PCNX1: variants seen among roughly 807,000 people sequenced by gnomAD.
PCNX1 encodes the protein pecanex-like protein 1.
Under a neutral mutation model 242.2 loss-of-function variants are expected in PCNX1, and 78 were observed. The observed-to-expected ratio is 0.32, with a 90% CI of 0.27 to 0.39. The LOEUF (loss-of-function observed/expected upper bound fraction) is 0.39. PCNX1 is among the 10% of genes least tolerant of loss of function. The pLI, the probability that PCNX1 is intolerant of heterozygous loss-of-function variation, is 1.00. For synonymous variants in PCNX1, 1,024 were observed against 1,032.9 expected (o/e 0.99, Z 0.17); for missense variants, 2,581 against 2,856.5 (o/e 0.90, Z 2.20).
intron 6 of PCNX1, among the ~76,000 whole-genome samples, chr14:70,985,442 G>C (rs1405799845): frequency 2.0e-5 from 3 of 152,048 alleles, no homozygotes; most frequent in Non-Finnish European, 4.4e-5. Context: ...TCGAACTCCT[G>C]ACTTCAGGTG....
At chr14:70,964,901 A>AT (rs1391172259) in intron 3 of PCNX1, among the ~76,000 whole-genome samples, 1 of 152,226 alleles carries the variant, frequency 6.6e-6, no homozygotes, top group African/African-American at 2.4e-5. Context: ...AATGGTTGAC[A>AT]TAATTATTCT....
At position 71,028,759 on chromosome 14, in the gene PCNX1, T is replaced by G. The variant is rs2060303706; in HGVS notation, c.3526T>G (p.Leu1176Val). Residue 1176 changes from leucine (L) to valine (V), a missense_variant, in exon 16 of 36, where the codon TTA (leucine) becomes GTA (valine). Leu to Val is a conservative substitution (Grantham distance 32). Transcript: ENST00000304743. The stretch of plus-strand genomic sequence containing the variant: ...TATCTGTAGCATTGTTGCAGTAGCC[T>G]TATTGTATGGATTATGTTATGGGGC... ...SFICSIVAVALLYGLCYGALK... is the reference protein window; with the variant it reads ...SFICSIVAVAVLYGLCYGALK... 2 of 1,606,116 alleles carry G rather than the reference T, an allele frequency of 1.2e-6. No homozygotes were observed. The highest frequency in any genetic ancestry group is 1.7e-6 in the Non-Finnish European group (2 of 1,175,508).
At chr14:70,947,567 T>C (rs1466694938) in intron 2 of PCNX1, among the ~76,000 whole-genome samples, 2 of 152,236 alleles carry the variant, frequency 1.3e-5, no homozygotes, top group Non-Finnish European at 2.9e-5. Context: ...AGTACTCTTA[T>C]AGTTTCCTAT....
intron 1 of PCNX1, among the ~76,000 whole-genome samples, chr14:70,915,970 C>T (rs35168506): frequency 0.097 from 14,809 of 152,054 alleles, 827 homozygotes; most frequent in Admixed American, 0.17. Context: ...AGGGATAAAT[C>T]ATGGAGGAAG....
At chr14:70,960,057 G>A (rs1224110065) in intron 2 of PCNX1, among the ~76,000 whole-genome samples, 5 of 95,512 alleles carry the variant, frequency 5.2e-5, no homozygotes, top group African/African-American at 7.7e-5. Context: ...TATGTCCTTC[G>A]CCCACTTTTT....
At chr14:71,008,029 A>G (rs1031746518) in intron 8 of PCNX1, among the ~76,000 whole-genome samples, 36 of 152,200 alleles carry the variant, frequency 2.4e-4, no homozygotes, top group Middle Eastern at 3.2e-3. Flanking sequence ...TGACCTGAGC[A>G]TTTCACAGAA....
rs780856045 is a variant in PCNX1, at chr14:70,972,116, TAAG to T, written c.604+3011_604+3013del. ...GTCTGACTGTGTGTGTAGAAGATAC[TAAG>T]AAGATAGGTTATGGATTTGGATATA... On this transcript the variant is annotated intron_variant, in intron 5 of 35. Coordinates refer to ENST00000304743, the MANE Select transcript of PCNX1 (RefSeq NM_014982.3). Among the ~76,000 whole-genome samples, 15 of 152,174 alleles carry T rather than the reference TAAG, an allele frequency of 9.9e-5. No homozygotes were observed. The East Asian group carries it at 2.7e-3, about 27-fold the overall frequency.
chr14:71,076,135 A>C, intron 27 of PCNX1, 54 bp from the exon 28 acceptor site: 1 of 1,044,740 alleles, frequency 9.6e-7, no homozygotes, highest in Non-Finnish European at 1.5e-6. Flanking sequence ...AATCTGAGTT[A>C]ATTGAAATTG....
intron 11 of PCNX1, 93 bp downstream of exon 11, chr14:71,013,295 C>T (rs1274579361): frequency 6.1e-6 from 6 of 979,126 alleles, no homozygotes; most frequent in Non-Finnish European, 9.9e-6. Context: ...ACCTGGTTAT[C>T]ATGTTGGGAA....
At chr14:70,992,864 A>G (rs2059209928) in intron 7 of PCNX1, among the ~76,000 whole-genome samples, 1 of 152,204 alleles carries the variant, frequency 6.6e-6, no homozygotes, top group South Asian at 2.1e-4. Context: ...ATGTGAAAAT[A>G]ATGGACTTTT....
rs1378114033 is a variant in PCNX1 at position 70,935,739 on chromosome 14, T to G, written c.154-11176T>G. ...GAATTACAGTGGAACTCTTTATTTTTTGACATTTTACATTTGAAAATGGAA... is the reference window on the plus strand; with the variant it reads ...GAATTACAGTGGAACTCTTTATTTTGTGACATTTTACATTTGAAAATGGAA... On this transcript the variant is annotated intron_variant, in intron 1 of 35. Transcript: ENST00000304743. Among the ~76,000 whole-genome samples the G allele has an allele frequency of 4.6e-5, 7 of 152,348 alleles. No homozygotes were observed. In the East Asian group the frequency reaches 1.3e-3, roughly 29 times the overall value.
intron 2 of PCNX1, among the ~76,000 whole-genome samples, chr14:70,951,373 GGGTT>G (rs887063990): frequency 1.4e-4 from 21 of 151,682 alleles, no homozygotes; most frequent in African/African-American, 4.8e-4. Flanking sequence ...TGGGGGGCGG[GGGTT>G]GGTTGGTTGT....
At position 71,032,548 on chromosome 14, in the gene PCNX1, TA is replaced by T. The variant is rs111429479; in HGVS notation, c.3559-874del. ...GATGATAAGGTTTTGATGTAGCTATTAAAAAAATAAAATGTCTGTGTTATGA... is the reference window on the plus strand; with the variant it reads ...GATGATAAGGTTTTGATGTAGCTATTAAAAAATAAAATGTCTGTGTTATGA... On this transcript the variant is annotated intron_variant, in intron 16 of 35. Coordinates refer to ENST00000304743, the MANE Select transcript of PCNX1 (RefSeq NM_014982.3). Among the ~76,000 whole-genome samples the T allele has an allele frequency of 1.6e-4, 25 of 152,272 alleles. 3 individuals carry two copies. Among genetic ancestry groups the T allele is most frequent in the African/African-American group, 5.5e-4 (23 of 41,546 alleles).
At chr14:70,953,189 G>T (rs1008514237) in intron 2 of PCNX1, among the ~76,000 whole-genome samples, 1 of 152,138 alleles carries the variant, frequency 6.6e-6, no homozygotes, top group Non-Finnish European at 1.5e-5. Context: ...TGAGGCAGGA[G>T]GATCACTTGA....
Position 70,978,316 on chromosome 14 carries a change from A to T in PCNX1, c.1979A>T (p.His660Leu), listed in dbSNP as rs765145987. Residue 660 changes from histidine to leucine, a missense_variant, in exon 6 of 36, where the codon CAC becomes CTC. Physicochemically the swap from His to Leu is moderately conservative, Grantham distance 99 (BLOSUM62 -3). Coordinates refer to ENST00000304743, the MANE Select transcript of PCNX1 (RefSeq NM_014982.3). ...KERGTDSEHT[H>L]KAHLVPEGTS... is the part of the protein sequence containing the mutation. The stretch of plus-strand genomic sequence containing the variant: ...AGGGGCACAGACTCTGAACACACAC[A>T]CAAAGCTCATTTGGTTCCTGAAGGA... The T allele has an allele frequency of 2.5e-6, 4 of 1,614,202 alleles. No homozygotes were observed. The Admixed American group carries it at 6.7e-5, about 27-fold the overall frequency.
intron 1 of PCNX1, among the ~76,000 whole-genome samples, chr14:70,923,314 G>A (rs140353577): frequency 1.3e-5 from 2 of 152,008 alleles, no homozygotes; most frequent in East Asian, 1.9e-4. Context: ...TCTATCAAAG[G>A]TTTGTAAAAA....
At chr14:71,041,680 A>AAT (rs1320137436) in intron 19 of PCNX1, among the ~76,000 whole-genome samples, 2 of 151,848 alleles carry the variant, frequency 1.3e-5, no homozygotes, top group Non-Finnish European at 2.9e-5. Context: ...TGTTCATTTT[A>AAT]ATTTCGTTTA....
chr14:71,029,706 C>G (rs2060330460), intron 16 of PCNX1, among the ~76,000 whole-genome samples: 1 of 152,100 alleles, frequency 6.6e-6, no homozygotes, highest in South Asian at 2.1e-4. Context: ...CTAATTGAAA[C>G]AAGAAATGAA....
At chr14:70,932,715 C>G (rs928253840) in intron 1 of PCNX1, among the ~76,000 whole-genome samples, 1 of 151,970 alleles carries the variant, frequency 6.6e-6, no homozygotes, top group African/African-American at 2.4e-5. Context: ...TGGGTTCAAG[C>G]GATTCTCCTG....
Sources: allele counts gnomAD v4.1 joint callset (sites outside exome capture counted in the v4.1 genomes callset), GRCh38; gene constraint gnomAD v4.1.1; transcripts MANE v1.5; gene names NCBI Gene and HGNC (gene_info 2026-07-23, HGNC 2026-07-21).